The following CADM2 variants were observed in gnomAD, a reference collection of about 807,000 sequenced individuals.
The protein encoded by CADM2 is immunoglobulin superfamily member 4D.
CADM2 carries 12 observed loss-of-function variants against 49.8 expected under a neutral mutation model. That is an observed-to-expected ratio of 0.24 (90% CI 0.15 to 0.39). CADM2 has a LOEUF of 0.39. Among genes scored for constraint, CADM2 ranks in the 10% least tolerant of loss-of-function variants. CADM2 has a pLI of 1.00. For synonymous variants in CADM2, 214 were observed against 175.4 expected, an observed-to-expected ratio of 1.22 and a Z score of -1.74; for missense variants, 378 against 492.3, an observed-to-expected ratio of 0.77 and a Z score of 2.20.
chr3:84,969,936 A>G (rs1466962719), intron 1 of CADM2, among the ~76,000 whole-genome samples: 2 of 151,622 alleles, frequency 1.3e-5, no homozygotes, highest in Admixed American at 6.6e-5. Context: ...GTGAAGCCAC[A>G]TTATCTTCTT....
chr3:85,704,957 C>G (rs2066895592), intron 1 of CADM2, among the ~76,000 whole-genome samples: 1 of 150,258 alleles, frequency 6.7e-6, no homozygotes. Flanking sequence ...CTCCCGGGTT[C>G]ACGCCATCCT....
At chr3:85,814,794 A>C (rs1385105485) in intron 3 of CADM2, among the ~76,000 whole-genome samples, 2 of 151,874 alleles carry the variant, frequency 1.3e-5, no homozygotes, top group Non-Finnish European at 2.9e-5. Flanking sequence ...TTCTATTCAA[A>C]TTTATATCCT....
rs142722940 is a variant in CADM2, at chr3:85,696,450, G to T, written c.62-30072G>T. Among the ~76,000 whole-genome samples, 353 of 152,078 alleles carry T rather than the reference G, an allele frequency of 2.3e-3. 12 individuals are homozygous for T. The highest frequency in any genetic ancestry group is 0.019 in the Admixed American group (296 of 15,252). On this transcript the variant is annotated intron_variant, in intron 1 of 9. Transcript: ENST00000383699. Reference sequence around the variant, plus strand: ...CCTTGAGTTAATTTTTGTATATGATGAGAGATAGGGGCTTGGTTTCATTCT... The same window carrying T: ...CCTTGAGTTAATTTTTGTATATGATTAGAGATAGGGGCTTGGTTTCATTCT...
At chr3:85,843,304 C>T (rs867962153) in intron 3 of CADM2, among the ~76,000 whole-genome samples, 3 of 152,014 alleles carry the variant, frequency 2.0e-5, no homozygotes, top group Non-Finnish European at 4.4e-5. Context: ...GCAGAAACAT[C>T]GTCATCTAAC....
intron 1 of CADM2, among the ~76,000 whole-genome samples, chr3:85,291,456 C>T (rs937266563): frequency 1.3e-5 from 2 of 148,886 alleles, no homozygotes; most frequent in African/African-American, 5.2e-5. Flanking sequence ...AGATACTCCT[C>T]GAGAAGAGCA....
intron 6 of CADM2, among the ~76,000 whole-genome samples, chr3:85,917,015 G>C (rs1718434094): frequency 6.6e-6 from 1 of 151,322 alleles, no homozygotes; most frequent in South Asian, 2.1e-4. Context: ...TTTTTGATGG[G>C]GTTTTTTTTT....
intron 2 of CADM2, among the ~76,000 whole-genome samples, chr3:85,773,915 G>A (rs995086876): frequency 2.6e-5 from 4 of 151,914 alleles, no homozygotes; most frequent in East Asian, 1.9e-4. Flanking sequence ...TTTTAATATC[G>A]ATAGACTATT....
intron 3 of CADM2, among the ~76,000 whole-genome samples, chr3:85,874,084 A>G (rs1268599960): frequency 6.6e-6 from 1 of 152,152 alleles, no homozygotes; most frequent in South Asian, 2.1e-4. Flanking sequence ...AAAATATAAA[A>G]GAGAACAGTT....
At chr3:85,807,771 C>G (rs543225141) in intron 3 of CADM2, among the ~76,000 whole-genome samples, 2 of 152,016 alleles carry the variant, frequency 1.3e-5, no homozygotes, top group African/African-American at 2.4e-5. Flanking sequence ...TGCTGATTCA[C>G]TCATCAGATG....
chr3:85,429,258 C>T (rs1041213387), intron 1 of CADM2, among the ~76,000 whole-genome samples: 1 of 151,938 alleles, frequency 6.6e-6, no homozygotes, highest in Admixed American at 6.6e-5. Flanking sequence ...ATATCAATAT[C>T]GCTTTCATAG....
intron 3 of CADM2, among the ~76,000 whole-genome samples, chr3:85,850,414 T>TC (rs1234340489): frequency 3.0e-5 from 4 of 134,446 alleles, no homozygotes; most frequent in African/African-American, 1.1e-4. Flanking sequence ...AAGCTCCGCC[T>TC]CCCGGGTTCA....
At chr3:85,042,422 G>A (rs926664720) in intron 1 of CADM2, among the ~76,000 whole-genome samples, 1 of 151,982 alleles carries the variant, frequency 6.6e-6, no homozygotes, top group Non-Finnish European at 1.5e-5. Context: ...ATTAATTATA[G>A]TTTCCTTTTA....
intron 1 of CADM2, among the ~76,000 whole-genome samples, chr3:85,126,992 G>A (rs2039056071): frequency 6.6e-6 from 1 of 152,028 alleles, no homozygotes; most frequent in Admixed American, 6.6e-5. Flanking sequence ...TATCTGTTGA[G>A]AATATTATGA....
chr3:85,152,240 C>T (rs2039945675), intron 1 of CADM2, among the ~76,000 whole-genome samples: 1 of 152,088 alleles, frequency 6.6e-6, no homozygotes, highest in Non-Finnish European at 1.5e-5. Context: ...GGTTTACTTT[C>T]AGATCTAATA....
intron 1 of CADM2, among the ~76,000 whole-genome samples, chr3:85,056,766 A>G (rs577611482): frequency 1.1e-3 from 171 of 152,238 alleles, no homozygotes; most frequent in Middle Eastern, 6.8e-3. Flanking sequence ...CATCTTCTGT[A>G]ATGAAAATAA....
chr3:85,471,808 G>A (rs1296855149), intron 1 of CADM2, among the ~76,000 whole-genome samples: 2 of 144,170 alleles, frequency 1.4e-5, no homozygotes, highest in East Asian at 3.9e-4. Flanking sequence ...AAATACAAAA[G>A]TCAATATTTT....
chr3:85,086,214 G>T (rs2037367540), intron 1 of CADM2, among the ~76,000 whole-genome samples: 1 of 152,060 alleles, frequency 6.6e-6, no homozygotes, highest in African/African-American at 2.4e-5. Flanking sequence ...TATCTCAGAA[G>T]TAGCTCATAC....
At chr3:85,133,815 C>T (rs541401373) in intron 1 of CADM2, among the ~76,000 whole-genome samples, 1 of 152,226 alleles carries the variant, frequency 6.6e-6, no homozygotes, top group Non-Finnish European at 1.5e-5. Flanking sequence ...GATCCCTCAC[C>T]GGGGCTGCAG....
In CADM2 at chr3:85,914,185, A is replaced by G. The variant is rs573361184; in HGVS notation, c.700+1642A>G. On this transcript the variant is annotated intron_variant, in intron 6 of 9. Coordinates refer to ENST00000383699, the MANE Select transcript of CADM2 (RefSeq NM_001167675.2). ...AGTAATTTACTGCTATTCTCCTTGA[A>G]GCAAATTCAGAAAGAAGCATACTTC... 9.9e-5 allele frequency among the ~76,000 whole-genome samples: 15 copies of G among 152,284 alleles called. No individual in the cohort carries two copies. The South Asian group carries it at 3.1e-3, about 32-fold the overall frequency.
Sources: gnomAD v4.1 joint callset for allele counts (sites outside exome capture counted in the v4.1 genomes callset) on GRCh38, gnomAD v4.1.1 for gene constraint, MANE v1.5 for transcripts, NCBI Gene and HGNC (gene_info 2026-07-23, HGNC 2026-07-21) for gene names.